Variants in RASL10A observed in about 807,000 individuals in gnomAD.
RASL10A encodes the protein RAS like family 10 member A.
RASL10A carries 13 observed loss-of-function variants against 17.3 expected under a neutral mutation model. That is an observed-to-expected ratio of 0.75 (90% CI 0.49 to 1.20). The LOEUF (loss-of-function observed/expected upper bound fraction) is 1.20, where lower values mean the gene tolerates loss of function less well. Among genes scored for constraint, RASL10A ranks in the 50% most tolerant of loss-of-function variants. The pLI, the probability that RASL10A is intolerant of heterozygous loss-of-function variation, is 0.00. For synonymous variants in RASL10A, 159 were observed against 142.2 expected (o/e 1.12, Z -0.84); for missense variants, 307 against 310.3 (o/e 0.99, Z 0.08).
chr22:29,315,237 T>C lies in RASL10A; in HGVS notation c.10A>G (p.Ser4Gly), dbSNP rs1272315465. Residue 4 changes from serine to glycine, a missense_variant, in exon 1 of 3, where the codon AGC becomes GGC. Physicochemically the swap from Ser to Gly is moderately conservative, Grantham distance 56. Coordinates refer to ENST00000216101, the MANE Select transcript of RASL10A (RefSeq NM_006477.5). This position sits in a 1 kb window ranked among gnomAD's most constrained non-coding sequence, Gnocchi z 5.5. Reference protein sequence around the residue: MGGSLRVAVLGAPG... With the variant: MGGGLRVAVLGAPG... ...GCGCCTAGAACGGCCACCCGCAGGC[T>C]ACCCCCCATGGCCGGCCGGCGCTGT... The C allele has an allele frequency of 1.3e-6, 2 of 1,503,938 alleles. No homozygotes were observed. Among genetic ancestry groups the C allele is most frequent in the Non-Finnish European group, 1.8e-6 (2 of 1,134,380 alleles). The allele number at this position is 1,503,938 out of a possible 1,614,324, so 93.2% of individuals were successfully genotyped here.
rs902459547 is a variant in RASL10A, at chr22:29,315,243, C to T, written c.4G>A (p.Gly2Arg). The T allele has an allele frequency of 2.0e-6, 3 of 1,476,078 alleles. No individual in the cohort carries two copies. Among genetic ancestry groups the T allele is most frequent in the Admixed American group, 4.8e-5 (2 of 41,600 alleles). The allele number at this position is 1,476,078 out of a possible 1,614,324, so 91.4% of individuals were successfully genotyped here. The change falls in exon 1 of 3, where the codon GGG (glycine) becomes AGG (arginine). Residue 2 changes from glycine to arginine, a missense_variant. Physicochemically the swap from Gly to Arg is moderately radical, Grantham distance 125. Coordinates refer to ENST00000216101, the MANE Select transcript of RASL10A (RefSeq NM_006477.5). The surrounding 1 kb of genome is among the most constrained non-coding windows in gnomAD (Gnocchi z 5.5). M[G>R]GSLRVAVLGA... is the part of the protein sequence containing the mutation. ...AGAACGGCCACCCGCAGGCTACCCC[C>T]CATGGCCGGCCGGCGCTGTCGCTCC...
At chr22:29,316,474 C>A (rs570686610), upstream of RASL10A, among the ~76,000 whole-genome samples, 1 of 152,348 alleles carries the variant, frequency 6.6e-6, no homozygotes, top group Admixed American at 6.5e-5. Flanking sequence ...ACTAAGGTCA[C>A]CTTTCCTGCG....
upstream of RASL10A, among the ~76,000 whole-genome samples, chr22:29,317,463 C>T (rs541849256): frequency 6.6e-6 from 1 of 152,230 alleles, no homozygotes; most frequent in East Asian, 1.9e-4. Context: ...TGGTCTTGAA[C>T]TCCTGGCTTA....
rs769611092 is a variant in RASL10A at position 29,313,463 on chromosome 22, C to A, written c.450G>T (p.Arg150Ser). The A allele has an allele frequency of 6.5e-7, 1 of 1,546,360 alleles. No individual in the cohort carries two copies. The highest frequency in any genetic ancestry group is 8.7e-7 in the Non-Finnish European group (1 of 1,151,514). The change falls in exon 3 of 3, where the codon AGG (arginine) becomes AGT (serine). Residue 150 changes from arginine to serine, a missense_variant. Coordinates refer to ENST00000216101, the MANE Select transcript of RASL10A (RefSeq NM_006477.5). Reference protein sequence around the residue: ...PRRALAALVRRGWRCGYLECS... With the variant: ...PRRALAALVRSGWRCGYLECS... ...ACTCGAGGTAGCCGCAGCGCCAGCC[C>A]CTGCGCACTAGGGCGGCCAGCGCGC... is the stretch of plus-strand genomic sequence containing the variant.
upstream of RASL10A, among the ~76,000 whole-genome samples, chr22:29,316,588 A>G (rs115413899): frequency 0.012 from 1,837 of 152,240 alleles, 50 homozygotes; most frequent in African/African-American, 0.043. Context: ...CTCCTGCCCC[A>G]TCACAGCTTG....
At chr22:29,319,490 A>G (rs1284593209), upstream of RASL10A, 2 of 152,268 alleles carry the variant, frequency 1.3e-5, no homozygotes, top group African/African-American at 4.8e-5. Context: ...AAGCCTCTGA[A>G]AGTTTCTTTT....
intron 1 of RASL10A, 38 bp downstream of exon 1, chr22:29,314,990 C>T: frequency 1.4e-6 from 2 of 1,432,672 alleles, no homozygotes; most frequent in South Asian, 1.4e-5. Flanking sequence ...ACACCCCTCA[C>T]ACTGTCACAC....
chr22:29,319,292 C>A (rs2061465967), upstream of RASL10A: 1 of 152,372 alleles, frequency 6.6e-6, no homozygotes, highest in Non-Finnish European at 1.5e-5. Flanking sequence ...CATGGCTCCA[C>A]ACCACCAGTA....
chr22:29,314,265 C>CGCTCTCCTCCCTAGAT, intron 1 of RASL10A: 1 of 407,190 alleles, frequency 2.5e-6, no homozygotes. Context: ...CGGCTCAGGC[C>CGCTCTCCTCCCTAGAT]GCTCTCCTCC....
chr22:29,318,037 C>A (rs1013334721), upstream of RASL10A, among the ~76,000 whole-genome samples: 1 of 152,178 alleles, frequency 6.6e-6, no homozygotes, highest in Non-Finnish European at 1.5e-5. Context: ...CCCGCCCACC[C>A]CTGGGTATTC....
In RASL10A at chr22:29,313,398, C is replaced by CA; in HGVS notation, c.514_515insT (p.Arg172LeufsTer89). On this transcript the variant is annotated frameshift_variant, in exon 3 of 3. Coordinates refer to ENST00000216101, the MANE Select transcript of RASL10A (RefSeq NM_006477.5). LOFTEE classifies it high-confidence loss of function. ...CACCAGAGCGCAGCGCAGCAGCTCGCGGAAGAGACGCAGCACGTGCCAGTT... is the reference window on the plus strand; with the variant it reads ...CACCAGAGCGCAGCGCAGCAGCTCGCAGGAAGAGACGCAGCACGTGCCAGTT... The CA allele has an allele frequency of 6.5e-7, 1 of 1,542,524 alleles. No homozygotes were observed. Among genetic ancestry groups the CA allele is most frequent in the Non-Finnish European group, 8.7e-7 (1 of 1,146,408 alleles).
At position 29,315,012 on chromosome 22, in the gene RASL10A, C is replaced by T; in HGVS notation, c.219+16G>A. 1.3e-6 allele frequency: 2 copies of T among 1,486,424 alleles called. No individual in the cohort carries two copies. The highest frequency in any genetic ancestry group is 1.8e-6 in the Non-Finnish European group (2 of 1,122,842). 92.1% of individuals were successfully genotyped at this position (1,486,424 alleles called of 1,614,324 possible). A position where few individuals can be genotyped will look rare whatever the true frequency, so the allele number is the denominator to read the frequency against. ...TCACACTGTCACACGCCCCTGCCCG[C>T]TCCTCGAGCCGCTACCTCCGGACCC... On this transcript the variant is annotated intron_variant, in intron 1 of 2. Transcript: ENST00000216101. The surrounding 1 kb of genome is among the most constrained non-coding windows in gnomAD (Gnocchi z 5.5).
At chr22:29,314,948 C>A in intron 1 of RASL10A, 80 bp downstream of exon 1, 1 of 1,204,922 alleles carries the variant, frequency 8.3e-7, no homozygotes, top group Non-Finnish European at 1.1e-6. Flanking sequence ...CCGAGGCCTC[C>A]ACGCGGACAC....
At chr22:29,317,767 C>T (rs2061460517), upstream of RASL10A, among the ~76,000 whole-genome samples, 1 of 152,214 alleles carries the variant, frequency 6.6e-6, no homozygotes, top group Non-Finnish European at 1.5e-5. Context: ...TCACTGCAAC[C>T]TCCACCTCCT....
upstream of RASL10A, among the ~76,000 whole-genome samples, chr22:29,317,506 G>A (rs981158130): frequency 4.6e-5 from 7 of 151,952 alleles, no homozygotes; most frequent in South Asian, 2.1e-4. Context: ...CCAAAAGTGC[G>A]AGGATTACAG....
chr22:29,318,402 G>T (rs933650333), upstream of RASL10A, among the ~76,000 whole-genome samples: 1 of 152,218 alleles, frequency 6.6e-6, no homozygotes, highest in African/African-American at 2.4e-5. Flanking sequence ...CCAGAGCCTG[G>T]CTGAGAAGCC....
chr22:29,318,670 A>C (rs1473457800), upstream of RASL10A, among the ~76,000 whole-genome samples: 4 of 152,024 alleles, frequency 2.6e-5, no homozygotes, highest in African/African-American at 7.3e-5. Context: ...CAGTCCCCTC[A>C]TTCCTTCCCC....
At position 29,313,000 on chromosome 22, in the gene RASL10A, A is replaced by G. The variant is rs1217952557; in HGVS notation, c.*301T>C. ...TAAAGAATATGTCCAGTGAAGCTCC[A>G]GGAGCAGGCTGCGTGTTTCCAGTCA... On this transcript the variant is annotated 3_prime_UTR_variant, in exon 3 of 3. Coordinates refer to ENST00000216101, the MANE Select transcript of RASL10A (RefSeq NM_006477.5). 6 of 392,538 alleles carry G rather than the reference A, an allele frequency of 1.5e-5. No homozygotes were observed. Among genetic ancestry groups the G allele is most frequent in the Non-Finnish European group, 2.7e-5 (6 of 222,784 alleles). 24.3% of individuals were successfully genotyped at this position (392,538 alleles called of 1,614,324 possible).
chr22:29,313,680 C>T, intron 2 of RASL10A, 112 bp from the exon 3 acceptor site: 2 of 1,417,710 alleles, frequency 1.4e-6, no homozygotes, highest in Non-Finnish European at 1.9e-6. Flanking sequence ...CACCGCCCCC[C>T]CCGCCGCCCC....
Sources: gnomAD v4.1 joint callset for allele counts (sites outside exome capture counted in the v4.1 genomes callset) on GRCh38, gnomAD v4.1.1 for gene constraint, Gnocchi (gnomAD v3.1) non-coding constraint, MANE v1.5 for transcripts, NCBI Gene and HGNC (gene_info 2026-07-23, HGNC 2026-07-21) for gene names.